Variants in AHCYL2 observed in about 807,000 individuals in gnomAD.
AHCYL2 encodes the protein S-adenosylhomocysteine hydrolase-like protein 2.
A neutral mutation model predicts 81.4 loss-of-function variants in AHCYL2; 28 were observed. The ratio of observed to expected loss-of-function variants is 0.34; its 90% CI spans 0.25 to 0.47. The LOEUF is 0.47. Among genes scored for constraint, AHCYL2 ranks in the 20% least tolerant of loss-of-function variants. The pLI is 1.00. For missense variants in AHCYL2, 551 were observed against 785.1 expected (o/e 0.70, Z 3.56); for synonymous variants, 272 against 290.2 (o/e 0.94, Z 0.64).
chr7:129,388,864 C>A, intron 2 of AHCYL2, 192 bp from the exon 3 acceptor site: 2 of 545,360 alleles, frequency 3.7e-6, no homozygotes, highest in Non-Finnish European at 6.2e-6. Context: ...TTAAGGCTAT[C>A]CAGGAAGAAT....
At chr7:129,272,852 A>G (rs1005349127) in intron 1 of AHCYL2, among the ~76,000 whole-genome samples, 2 of 152,194 alleles carry the variant, frequency 1.3e-5, no homozygotes, top group Admixed American at 6.5e-5. Flanking sequence ...TTGTGTTATT[A>G]TAGAAAATAA....
chr7:129,283,995 T>C (rs1021334800), intron 1 of AHCYL2, among the ~76,000 whole-genome samples: 4 of 152,256 alleles, frequency 2.6e-5, no homozygotes, highest in Middle Eastern at 3.4e-3. Flanking sequence ...AATGGAGTCA[T>C]TTTTTTAAAA....
At chr7:129,354,718 T>G (rs56299993) in intron 1 of AHCYL2, among the ~76,000 whole-genome samples, 8,065 of 152,312 alleles carry the variant, frequency 0.053, 288 homozygotes, top group Non-Finnish European at 0.08. Context: ...CCACTTTCTC[T>G]GTCACTGCTA....
At chr7:129,259,854 A>G (rs1463342011) in intron 1 of AHCYL2, among the ~76,000 whole-genome samples, 4 of 152,178 alleles carry the variant, frequency 2.6e-5, no homozygotes, top group Non-Finnish European at 5.9e-5. Context: ...AAGCAGGCAG[A>G]TCATCTGAGG....
chr7:129,409,611 G>A, intron 11 of AHCYL2, 65 bp downstream of exon 11: 1 of 1,367,964 alleles, frequency 7.3e-7, no homozygotes, highest in Non-Finnish European at 1.0e-6. Context: ...GGTGCAAGAT[G>A]ATTGGAAATA....
chr7:129,355,732 AG>A (rs1239386327), intron 1 of AHCYL2, among the ~76,000 whole-genome samples: 1 of 152,160 alleles, frequency 6.6e-6, no homozygotes, highest in African/African-American at 2.4e-5. Flanking sequence ...GTCTCCCTTA[AG>A]GTTTGTATTC....
intron 1 of AHCYL2, among the ~76,000 whole-genome samples, chr7:129,235,406 G>A (rs1177239372): frequency 7.1e-6 from 1 of 141,802 alleles, no homozygotes; most frequent in African/African-American, 2.5e-5. Flanking sequence ...ACCTCATCCA[G>A]CCTCCTTCTC....
At chr7:129,365,681 G>A (rs1301134728) in intron 1 of AHCYL2, among the ~76,000 whole-genome samples, 4 of 140,874 alleles carry the variant, frequency 2.8e-5, no homozygotes, top group African/African-American at 8.2e-5. Context: ...GAAAGGATTT[G>A]TAGAGGGTTA....
Position 129,288,363 on chromosome 7 carries a change from A to T in AHCYL2, c.363+62924A>T, listed in dbSNP as rs145447067. Among the ~76,000 whole-genome samples the T allele has an allele frequency of 1.7e-3, 260 of 152,070 alleles. 2 individuals are homozygous for T. The South Asian group carries it at 0.021, about 12-fold the overall frequency. On this transcript the variant is annotated intron_variant, in intron 1 of 16. Transcript: ENST00000325006. The stretch of plus-strand genomic sequence containing the variant: ...TTTGTATTTGTATTTATTTTAATTT[A>T]ATTTTATTTTATTTTATTGAGACAG...
intron 1 of AHCYL2, among the ~76,000 whole-genome samples, chr7:129,301,284 G>A (rs548746971): frequency 5.8e-4 from 89 of 152,272 alleles, no homozygotes; most frequent in African/African-American, 2.1e-3. Flanking sequence ...TGGATAGTTT[G>A]CAAATACTTT....
chr7:129,303,594 G>T lies in AHCYL2; in HGVS notation c.364-76044G>T, dbSNP rs1316588410. Among the ~76,000 whole-genome samples, 4 of 152,110 alleles carry T rather than the reference G, an allele frequency of 2.6e-5. No homozygotes were observed. The East Asian group carries it at 5.8e-4, about 22-fold the overall frequency. The stretch of plus-strand genomic sequence containing the variant: ...TGTCAATTTCATTTATCTTTTCAAA[G>T]AAACAATTTTTTATTTTGTTGATAT... On this transcript the variant is annotated intron_variant, in intron 1 of 16. Coordinates refer to ENST00000325006, the MANE Select transcript of AHCYL2 (RefSeq NM_015328.4).
At chr7:129,364,759 A>G (rs1418291920) in intron 1 of AHCYL2, among the ~76,000 whole-genome samples, 2 of 152,204 alleles carry the variant, frequency 1.3e-5, no homozygotes, top group Non-Finnish European at 2.9e-5. Context: ...ATTATAATGC[A>G]GATCAAAATG....
At chr7:129,376,546 A>C (rs907438036) in intron 1 of AHCYL2, among the ~76,000 whole-genome samples, 1 of 152,236 alleles carries the variant, frequency 6.6e-6, no homozygotes, top group Non-Finnish European at 1.5e-5. Context: ...TGTAAATAGA[A>C]AACACTATAG....
At chr7:129,348,323 T>A (rs1268774600) in intron 1 of AHCYL2, among the ~76,000 whole-genome samples, 4 of 152,030 alleles carry the variant, frequency 2.6e-5, no homozygotes, top group African/African-American at 7.2e-5. Flanking sequence ...CAAGATAATG[T>A]TGAGGGGGAA....
chr7:129,400,275 T>C lies in AHCYL2; in HGVS notation c.824-15T>C, dbSNP rs932490005. The C allele has an allele frequency of 1.7e-5, 28 of 1,612,644 alleles. No individual in the cohort carries two copies. Among genetic ancestry groups the C allele is most frequent in the South Asian group, 2.2e-5 (2 of 90,910 alleles). On this transcript the variant is annotated splice_polypyrimidine_tract_variant and intron_variant, in intron 5 of 16. Transcript: ENST00000325006. ...TTGGTCTTTAATGGTTTCCCTTTGTTCCTTTTTTTCCCAGGATTTCCTGTT... is the reference window on the plus strand; with the variant it reads ...TTGGTCTTTAATGGTTTCCCTTTGTCCCTTTTTTTCCCAGGATTTCCTGTT...
At chr7:129,286,811 G>T (rs1796649832) in intron 1 of AHCYL2, among the ~76,000 whole-genome samples, 1 of 151,962 alleles carries the variant, frequency 6.6e-6, no homozygotes, top group East Asian at 1.9e-4. Flanking sequence ...GTCTCTGTGG[G>T]TTATATCTAT....
chr7:129,413,539 C>A, intron 11 of AHCYL2, 55 bp from the exon 12 acceptor site: 1 of 1,342,656 alleles, frequency 7.4e-7, no homozygotes, highest in African/African-American at 1.4e-5. Context: ...TTTATTTTCT[C>A]ATTCTGTGGA....
chr7:129,409,425 A>G, intron 10 of AHCYL2, 51 bp from the exon 11 acceptor site: 2 of 1,469,898 alleles, frequency 1.4e-6, no homozygotes, highest in Non-Finnish European at 1.9e-6. Flanking sequence ...CTGTGTTAAA[A>G]GGCTCCCCAG....
At chr7:129,349,979 A>G (rs1793499907) in intron 1 of AHCYL2, among the ~76,000 whole-genome samples, 1 of 152,206 alleles carries the variant, frequency 6.6e-6, no homozygotes, top group Admixed American at 6.5e-5. Context: ...GCATACTTTA[A>G]CTCAGATGTA....
Sources: allele counts gnomAD v4.1 joint callset (sites outside exome capture counted in the v4.1 genomes callset), GRCh38; gene constraint gnomAD v4.1.1; transcripts MANE v1.5; gene names NCBI Gene and HGNC (gene_info 2026-07-23, HGNC 2026-07-21).